APBA2: variants seen among roughly 807,000 people sequenced by gnomAD.
APBA2 encodes amyloid beta precursor protein binding family A member 2.
Under a neutral mutation model 75.0 loss-of-function variants are expected in APBA2, and 30 were observed. That is an observed-to-expected ratio of 0.40 (90% CI 0.30 to 0.54). APBA2 has a LOEUF of 0.54. APBA2 is among the 20% of genes least tolerant of loss of function. APBA2 has a pLI of 0.49. For synonymous variants in APBA2, 444 were observed against 409.6 expected, an observed-to-expected ratio of 1.08 and a Z score of -1.01; for missense variants, 801 against 1,016.1, an observed-to-expected ratio of 0.79 and a Z score of 2.88.
At chr15:29,108,953 C>T (rs2044586603) in intron 13 of APBA2, among the ~76,000 whole-genome samples, 1 of 152,188 alleles carries the variant, frequency 6.6e-6, no homozygotes, top group South Asian at 2.1e-4. Flanking sequence ...AGTTCTTTAG[C>T]CCAGAGTTTC....
At position 29,074,938 on chromosome 15, in the gene APBA2, G is replaced by A; in HGVS notation, c.969G>A (p.Glu323=). The change falls in exon 5 of 15, where the codon GAG becomes GAA. Residue 323 remains glutamate, a synonymous_variant. Coordinates refer to ENST00000683413, the MANE Select transcript of APBA2 (RefSeq NM_001353788.2). ...WPHEQVCNGL[E]QPRKQQRSDL... ...GTTTCCAGGTTTGCAATGGTCTGGA[G>A]CAGCCAAGGAAGCAGCAGCGCTCTG... 1 of 1,614,122 alleles carries A rather than the reference G, an allele frequency of 6.2e-7. No individual in the cohort carries two copies. Among genetic ancestry groups the A allele is most frequent in the Non-Finnish European group, 8.5e-7 (1 of 1,180,014 alleles).
chr15:29,073,646 C>A (rs2042721632), intron 4 of APBA2, among the ~76,000 whole-genome samples: 1 of 152,330 alleles, frequency 6.6e-6, no homozygotes, highest in South Asian at 2.1e-4. Flanking sequence ...GCCACTGTGC[C>A]CAGCTGGTAA....
chr15:28,927,137 C>T (rs539549629), intron 2 of APBA2, among the ~76,000 whole-genome samples: 10 of 152,050 alleles, frequency 6.6e-5, no homozygotes, highest in African/African-American at 1.7e-4. Flanking sequence ...GGATTACAGA[C>T]GTGAGCCACC....
chr15:29,087,930 T>C (rs2152942358), intron 6 of APBA2, among the ~76,000 whole-genome samples: 1 of 152,234 alleles, frequency 6.6e-6, no homozygotes, highest in South Asian at 2.1e-4. Context: ...TGCTCGCCCC[T>C]CCACTGGCTT....
rs542191248 is a variant in APBA2, at chr15:29,030,598, C to T, written c.-40-23247C>T. The stretch of plus-strand genomic sequence containing the variant: ...GGCAATGAATTGATAACTGACACAA[C>T]CTTTTTGTCATTCCTTTCTAATTGT... On this transcript the variant is annotated intron_variant, in intron 3 of 14. Transcript: ENST00000683413. 2.6e-4 allele frequency among the ~76,000 whole-genome samples: 39 copies of T among 152,212 alleles called. 2 individuals carry two copies. In the East Asian group the frequency reaches 3.7e-3, roughly 14 times the overall value.
At chr15:28,949,245 A>G (rs546200052) in intron 2 of APBA2, among the ~76,000 whole-genome samples, 7 of 152,240 alleles carry the variant, frequency 4.6e-5, no homozygotes, top group East Asian at 1.9e-4. Flanking sequence ...TGACTTGGGC[A>G]GGTGTGTATT....
chr15:29,116,627 CA>C (rs531479741), intron 14 of APBA2, among the ~76,000 whole-genome samples: 5,879 of 116,666 alleles, frequency 0.05, 334 homozygotes, highest in African/African-American at 0.15. Context: ...GACTCCGTCT[CA>C]AAAAAAAAAA....
At chr15:29,114,824 G>A (rs1017007880) in intron 14 of APBA2, among the ~76,000 whole-genome samples, 4 of 150,358 alleles carry the variant, frequency 2.7e-5, no homozygotes, top group African/African-American at 7.5e-5. Flanking sequence ...GCGGATGTAC[G>A]TGTGTGTGTG....
intron 3 of APBA2, among the ~76,000 whole-genome samples, chr15:29,035,300 T>C (rs570447873): frequency 6.6e-6 from 1 of 152,274 alleles, no homozygotes; most frequent in East Asian, 1.9e-4. Context: ...TTAGGATTAA[T>C]TAGTAAATAG....
At chr15:29,045,068 CT>C (rs2041238061) in intron 3 of APBA2, among the ~76,000 whole-genome samples, 1 of 96,662 alleles carries the variant, frequency 1.0e-5, no homozygotes, top group Non-Finnish European at 1.7e-5. Context: ...TCCCTCCCTC[CT>C]TCTCTCTCTC....
chr15:29,008,689 A>G (rs915454960), intron 3 of APBA2, among the ~76,000 whole-genome samples: 2 of 152,170 alleles, frequency 1.3e-5, no homozygotes, highest in African/African-American at 4.8e-5. Flanking sequence ...AGCCTAGGTA[A>G]CAGAGCGAGA....
chr15:29,106,003 C>G (rs2044384313), intron 11 of APBA2, among the ~76,000 whole-genome samples: 1 of 152,152 alleles, frequency 6.6e-6, no homozygotes, highest in African/African-American at 2.4e-5. Flanking sequence ...TGGGGATGGC[C>G]CATACCTGGA....
At chr15:29,041,841 T>C (rs2041063719) in intron 3 of APBA2, among the ~76,000 whole-genome samples, 1 of 152,234 alleles carries the variant, frequency 6.6e-6, no homozygotes, top group Non-Finnish European at 1.5e-5. Context: ...AAAATATTCC[T>C]GATTACATGC....
intron 2 of APBA2, among the ~76,000 whole-genome samples, chr15:28,946,300 G>A (rs2035546534): frequency 6.6e-6 from 1 of 152,188 alleles, no homozygotes; most frequent in Admixed American, 6.5e-5. Context: ...GATTATTCAG[G>A]TGGGCCCTTA....
At chr15:28,957,724 C>T (rs958054555) in intron 2 of APBA2, among the ~76,000 whole-genome samples, 2 of 152,106 alleles carry the variant, frequency 1.3e-5, no homozygotes, top group Non-Finnish European at 2.9e-5. Flanking sequence ...AGGCGCGTGC[C>T]GAGGGCTGTA....
intron 4 of APBA2, among the ~76,000 whole-genome samples, chr15:29,073,271 C>G (rs1375582740): frequency 2.0e-5 from 3 of 152,252 alleles, no homozygotes; most frequent in Non-Finnish European, 4.4e-5. Context: ...TCAGTTTTCT[C>G]ACCTGTCAAG....
chr15:29,042,630 G>A (rs995337059), intron 3 of APBA2, among the ~76,000 whole-genome samples: 2 of 152,092 alleles, frequency 1.3e-5, no homozygotes, highest in African/African-American at 4.8e-5. Context: ...TGAATTTTGA[G>A]GGGACATAAT....
intron 2 of APBA2, among the ~76,000 whole-genome samples, chr15:28,984,707 A>C (rs2037806836): frequency 6.8e-6 from 1 of 147,840 alleles, no homozygotes; most frequent in African/African-American, 2.5e-5. Context: ...CTCTCCCTCC[A>C]CTGCCATCTC....
At chr15:29,116,142 C>G (rs2045113776) in intron 14 of APBA2, among the ~76,000 whole-genome samples, 1 of 152,176 alleles carries the variant, frequency 6.6e-6, no homozygotes, top group Non-Finnish European at 1.5e-5. Flanking sequence ...GCCACCCACA[C>G]GGTTGGTCTC....
Sources: gnomAD v4.1 joint callset for allele counts (sites outside exome capture counted in the v4.1 genomes callset) on GRCh38, gnomAD v4.1.1 for gene constraint, MANE v1.5 for transcripts, NCBI Gene and HGNC (gene_info 2026-07-23, HGNC 2026-07-21) for gene names.